Variants in CSNK1G2 observed in about 807,000 individuals in gnomAD.
CSNK1G2 encodes casein kinase 1 gamma 2.
In CSNK1G2, 11 loss-of-function variants were observed where a neutral mutation model predicts 48.0. The ratio of observed to expected loss-of-function variants is 0.23; its 90% CI spans 0.14 to 0.38. CSNK1G2 has a LOEUF of 0.38. CSNK1G2 is among the 10% of genes least tolerant of loss of function. The probability of loss-of-function intolerance (pLI) is 1.00; values close to 1 mark genes in which losing one functional copy is unlikely to be tolerated. For synonymous variants in CSNK1G2, 337 were observed against 254.1 expected, an observed-to-expected ratio of 1.33 and a Z score of -3.10; for missense variants, 446 against 595.5, an observed-to-expected ratio of 0.75 and a Z score of 2.61.
rs1456922895 is a variant in CSNK1G2, at chr19:1,981,123, G to C, written c.*920G>C. On this transcript the variant is annotated 3_prime_UTR_variant, in exon 12 of 12. Transcript: ENST00000255641. ...CTGCAGGTATATTGCAGGGGCCTGG[G>C]GGCGGCCCTGGACTGGCGGGCGGTT... The C allele has an allele frequency of 1.3e-5, 2 of 152,218 alleles. No individual in the cohort carries two copies. Among genetic ancestry groups the C allele is most frequent in the Non-Finnish European group, 2.9e-5 (2 of 68,046 alleles). The allele number at this position is 152,218 out of a possible 1,614,324, so 9.4% of individuals were successfully genotyped here. A position where few individuals can be genotyped will look rare whatever the true frequency, so the allele number is the denominator to read the frequency against.
intron 1 of CSNK1G2, chr19:1,953,328 G>T (rs1037890773): frequency 9.3e-5 from 49 of 526,324 alleles, no homozygotes; most frequent in Non-Finnish European, 1.8e-4. Flanking sequence ...TGCTGAGGTG[G>T]CGCAGGGTTG....
rs2015886289 is a variant in CSNK1G2 at position 1,979,399 on chromosome 19, C to T, written c.849C>T (p.Phe283=). 6.3e-7 allele frequency: 1 copy of T among 1,583,332 alleles called. No individual in the cohort carries two copies. The highest frequency in any genetic ancestry group is 1.2e-5 in the South Asian group (1 of 86,604). Reference sequence around the variant, plus strand: ...CCATCGAGGTGCTCTGCGAGAACTTCCCAGGTAAGGGGTCCCTGCGCCCCC... The same window carrying T: ...CCATCGAGGTGCTCTGCGAGAACTTTCCAGGTAAGGGGTCCCTGCGCCCCC... ...ATPIEVLCEN[F]PEEMATYLRY... Residue 283 remains phenylalanine, a synonymous_variant, in exon 8 of 12, where the codon TTC becomes TTT. Coordinates refer to ENST00000255641, the MANE Select transcript of CSNK1G2 (RefSeq NM_001319.7).
At chr19:1,975,139 T>C in intron 2 of CSNK1G2, 5 of 985,412 alleles carry the variant, frequency 5.1e-6, no homozygotes, top group Non-Finnish European at 6.0e-6. Context: ...AAGGACCCCA[T>C]CACCATCAGA....
chr19:1,956,303 C>T (rs563475871), intron 1 of CSNK1G2, among the ~76,000 whole-genome samples: 1 of 152,298 alleles, frequency 6.6e-6, no homozygotes, highest in East Asian at 1.9e-4. Flanking sequence ...TGTGCAGGTG[C>T]AGCTGGGATG....
At chr19:1,942,575 G>C (rs2014407585) in intron 1 of CSNK1G2, 1 of 152,274 alleles carries the variant, frequency 6.6e-6, no homozygotes, top group African/African-American at 2.4e-5. Context: ...GGCTCCCGGA[G>C]GCCCTGGTAG....
intron 1 of CSNK1G2, among the ~76,000 whole-genome samples, chr19:1,958,784 TC>T (rs2015091210): frequency 2.3e-5 from 1 of 43,514 alleles, no homozygotes; most frequent in Non-Finnish European, 4.3e-5. Flanking sequence ...CGTCCCCCTG[TC>T]CCCCCATCCA....
intron 1 of CSNK1G2, among the ~76,000 whole-genome samples, chr19:1,949,917 A>G (rs1446228783): frequency 6.6e-6 from 1 of 152,190 alleles, no homozygotes. Flanking sequence ...CTTGTCAGGC[A>G]CAGGGCCAGA....
intron 1 of CSNK1G2, among the ~76,000 whole-genome samples, chr19:1,961,063 A>G (rs986981219): frequency 2.5e-4 from 38 of 152,200 alleles, no homozygotes; most frequent in Admixed American, 2.2e-3. Flanking sequence ...TCTCCTGTGG[A>G]TGCGTCGCCC....
At chr19:1,943,953 G>T (rs1246203167) in intron 1 of CSNK1G2, among the ~76,000 whole-genome samples, 1 of 152,206 alleles carries the variant, frequency 6.6e-6, no homozygotes, top group African/African-American at 2.4e-5. Context: ...AGCCTGGCAG[G>T]GGCTGCGGGC....
chr19:1,969,683 C>G lies in CSNK1G2; in HGVS notation c.-90C>G. ...CCCACCGGCCGCAGTGATGTTCTAG[C>G]CACAGAGGAGCCAAGACCTCAGGTT... On this transcript the variant is annotated 5_prime_UTR_variant, in exon 2 of 12. Coordinates refer to ENST00000255641, the MANE Select transcript of CSNK1G2 (RefSeq NM_001319.7). 2 of 1,117,448 alleles carry G rather than the reference C, an allele frequency of 1.8e-6. No homozygotes were observed. The highest frequency in any genetic ancestry group is 2.3e-6 in the Non-Finnish European group (2 of 870,956). 69.2% of individuals were successfully genotyped at this position (1,117,448 alleles called of 1,614,324 possible). A position where few individuals can be genotyped will look rare whatever the true frequency, so the allele number is the denominator to read the frequency against.
At chr19:1,945,250 T>G (rs2014512453) in intron 1 of CSNK1G2, among the ~76,000 whole-genome samples, 1 of 152,208 alleles carries the variant, frequency 6.6e-6, no homozygotes. Context: ...GGGGAGCCGC[T>G]TCTCAGACCC....
intron 1 of CSNK1G2, among the ~76,000 whole-genome samples, chr19:1,955,295 C>CTTCCTG (rs1323393346): frequency 8.1e-5 from 11 of 135,704 alleles, no homozygotes; most frequent in African/African-American, 3.6e-4. Context: ...CTCTGACTGC[C>CTTCCTG]CTCCTGCTGC....
At chr19:1,946,797 C>T (rs1000362370) in intron 1 of CSNK1G2, among the ~76,000 whole-genome samples, 3 of 145,504 alleles carry the variant, frequency 2.1e-5, no homozygotes, top group African/African-American at 7.7e-5. Flanking sequence ...ATTTTTAGTA[C>T]AGACGGGGTT....
intron 2 of CSNK1G2, among the ~76,000 whole-genome samples, chr19:1,974,401 G>C (rs2015680714): frequency 6.6e-6 from 1 of 152,140 alleles, no homozygotes; most frequent in African/African-American, 2.4e-5. Flanking sequence ...CATCCACGAG[G>C]GCAGCGACTC....
intron 1 of CSNK1G2, among the ~76,000 whole-genome samples, chr19:1,961,612 A>G (rs1329983349): frequency 2.0e-5 from 3 of 152,102 alleles, no homozygotes; most frequent in Non-Finnish European, 4.4e-5. Context: ...GGTGCCCCCA[A>G]AGCGGCACGG....
intron 1 of CSNK1G2, chr19:1,953,994 T>G (rs1034069329): frequency 3.7e-6 from 2 of 533,966 alleles, no homozygotes; most frequent in African/African-American, 1.9e-5. Flanking sequence ...CAGTCGCCCT[T>G]GGTCTGGTGT....
intron 2 of CSNK1G2, chr19:1,975,605 G>A (rs1160342470): frequency 3.0e-6 from 3 of 985,424 alleles, no homozygotes; most frequent in East Asian, 2.3e-4. Flanking sequence ...AAGGGGGGAT[G>A]AATCCACTGT....
In CSNK1G2 at chr19:1,960,374, C is replaced by T. The variant is rs143912386; in HGVS notation, c.-265-9134C>T. Reference sequence around the variant, plus strand: ...GGCCTGTGTCTTCAGGATGCTGCCTCTCGGGCAGCCTCCAGCCCTCGTCGA... The same window carrying T: ...GGCCTGTGTCTTCAGGATGCTGCCTTTCGGGCAGCCTCCAGCCCTCGTCGA... On this transcript the variant is annotated intron_variant, in intron 1 of 11. Coordinates refer to ENST00000255641, the MANE Select transcript of CSNK1G2 (RefSeq NM_001319.7). Among the ~76,000 whole-genome samples, 289 of 152,316 alleles carry T rather than the reference C, an allele frequency of 1.9e-3. 4 individuals carry two copies. Among genetic ancestry groups the T allele is most frequent in the Non-Finnish European group, 2.2e-3 (149 of 68,028 alleles).
intron 2 of CSNK1G2, among the ~76,000 whole-genome samples, chr19:1,970,853 C>A (rs940589140): frequency 6.6e-6 from 1 of 152,180 alleles, no homozygotes. Context: ...GAGGCCACGG[C>A]AGTGGATCGG....
Sources: allele counts gnomAD v4.1 joint callset (sites outside exome capture counted in the v4.1 genomes callset), GRCh38; gene constraint gnomAD v4.1.1; transcripts MANE v1.5; gene names NCBI Gene and HGNC (gene_info 2026-07-23, HGNC 2026-07-21).